Variants in SUMF2 observed in about 807,000 individuals in gnomAD.
The protein encoded by SUMF2 is sulfatase modifying factor 2.
SUMF2 carries 45 observed loss-of-function variants against 44.8 expected under a neutral mutation model. The ratio of observed to expected loss-of-function variants is 1.00; its 90% CI spans 0.79 to 1.29. The LOEUF (loss-of-function observed/expected upper bound fraction) is 1.29. Among genes scored for constraint, SUMF2 ranks in the 50% most tolerant of loss-of-function variants. The pLI, the probability that SUMF2 is intolerant of heterozygous loss-of-function variation, is 0.00. For synonymous variants in SUMF2, 148 were observed against 150.4 expected (o/e 0.98, Z 0.12); for missense variants, 418 against 389.9 (o/e 1.07, Z -0.61).
chr7:56,087,449 C>T, the SUMF2 span: 2 of 714,440 alleles, frequency 2.8e-6, no homozygotes, highest in Non-Finnish European at 4.6e-6. Flanking sequence ...CCTGGGACCC[C>T]TTCTATCAGA....
chr7:56,073,042 T>C lies in SUMF2; in HGVS notation c.270T>C (p.Phe90=), dbSNP rs952451746. Reference sequence around the variant, plus strand: ...AGTATCGGACAGAAGCTGAGATGTTTGGATGGAGCTTTGTCTTTGAGGACT... The same window carrying C: ...AGTATCGGACAGAAGCTGAGATGTTCGGATGGAGCTTTGTCTTTGAGGACT... The part of the protein sequence containing the change: ...EKKYRTEAEM[F]GWSFVFEDFV... Residue 90 remains phenylalanine, a synonymous_variant, in exon 3 of 9, where the codon TTT becomes TTC. Coordinates refer to ENST00000434526, the MANE Select transcript of SUMF2 (RefSeq NM_015411.4). The C allele has an allele frequency of 6.2e-7, 1 of 1,614,014 alleles. No individual in the cohort carries two copies. The highest frequency in any genetic ancestry group is 1.3e-5 in the African/African-American group (1 of 74,888).
At position 56,068,619 on chromosome 7, in the gene SUMF2, G is replaced by T. The variant is rs1482726719; in HGVS notation, c.205G>T (p.Val69Phe). ...ACCCTTTGCCATCGACATATTTCCT[G>T]TCACCAACAAAGATTTCAGGTACAT... is the stretch of plus-strand genomic sequence containing the variant. Reference protein sequence around the residue: ...VKPFAIDIFPVTNKDFRDFVR... With the variant: ...VKPFAIDIFPFTNKDFRDFVR... Residue 69 changes from valine to phenylalanine, a missense_variant, in exon 2 of 9, where the codon GTC (valine) becomes TTC (phenylalanine). Val to Phe is a conservative substitution (Grantham distance 50). Coordinates refer to ENST00000434526, the MANE Select transcript of SUMF2 (RefSeq NM_015411.4). 6.2e-7 allele frequency: 1 copy of T among 1,613,406 alleles called. No homozygotes were observed. The highest frequency in any genetic ancestry group is 8.5e-7 in the Non-Finnish European group (1 of 1,179,702).
In SUMF2 at chr7:56,067,432, A is replaced by G. The variant is rs2117395053; in HGVS notation, c.68-1050A>G. ...TGGGCTCAAGCAATCCTCCTGCCTTAGCCTCTGCACCCTGTCTCTGAGCCA... is the reference window on the plus strand; with the variant it reads ...TGGGCTCAAGCAATCCTCCTGCCTTGGCCTCTGCACCCTGTCTCTGAGCCA... On this transcript the variant is annotated intron_variant, in intron 1 of 8. Coordinates refer to ENST00000434526, the MANE Select transcript of SUMF2 (RefSeq NM_015411.4). Among the ~76,000 whole-genome samples the G allele has an allele frequency of 1.3e-5, 2 of 152,274 alleles. 1 individual carries two copies. The highest frequency in any genetic ancestry group is 4.2e-4 in the South Asian group (2 of 4,818).
At chr7:56,081,008 T>C, downstream of SUMF2, 1 of 1,604,402 alleles carries the variant, frequency 6.2e-7, no homozygotes, top group Non-Finnish European at 8.5e-7. This position sits in a 1 kb window ranked among gnomAD's most constrained non-coding sequence, Gnocchi z 4.6. Flanking sequence ...TTTCCATGGC[T>C]TCCCCTCCCC....
rs1795411489 is a variant in SUMF2, at chr7:56,074,629, C to T, written c.428C>T (p.Pro143Leu). 1.9e-6 allele frequency: 3 copies of T among 1,614,090 alleles called. No individual in the cohort carries two copies. Among genetic ancestry groups the T allele is most frequent in the Non-Finnish European group, 2.5e-6 (3 of 1,180,042 alleles). ...GSGIRERLEH[P>L]VLHVSWNDAR... The stretch of plus-strand genomic sequence containing the variant: ...GGCATCCGAGAGAGACTGGAGCACC[C>T]AGTGTTACACGTGAGCTGGAATGAC... Residue 143 changes from proline to leucine, a missense_variant, in exon 5 of 9, where the codon CCA becomes CTA. Coordinates refer to ENST00000434526, the MANE Select transcript of SUMF2 (RefSeq NM_015411.4).
Position 56,080,581 on chromosome 7 carries a change from T to G in SUMF2, c.*969T>G, listed in dbSNP as rs925037327. On this transcript the variant is annotated 3_prime_UTR_variant, in exon 9 of 9. Transcript: ENST00000434526. Reference sequence around the variant, plus strand: ...GCCTGGGCCCCCTTCTCCATATGCCTCCAAAAACATGTCCCTGGAGAGTAG... The same window carrying G: ...GCCTGGGCCCCCTTCTCCATATGCCGCCAAAAACATGTCCCTGGAGAGTAG... 8 of 175,788 alleles carry G rather than the reference T, an allele frequency of 4.6e-5. No homozygotes were observed. The highest frequency in any genetic ancestry group is 9.7e-5 in the Non-Finnish European group (8 of 82,520). 10.9% of individuals were successfully genotyped at this position (175,788 alleles called of 1,614,324 possible). A position where few individuals can be genotyped will look rare whatever the true frequency, so the allele number is the denominator to read the frequency against.
rs374801147 is a variant in SUMF2, at chr7:56,079,585, C to T, written c.879C>T (p.Asp293=). The T allele has an allele frequency of 3.5e-5, 57 of 1,614,066 alleles. No individual in the cohort carries two copies. The highest frequency in any genetic ancestry group is 1.8e-4 in the South Asian group (16 of 91,092). The change falls in exon 9 of 9, where the codon GAC becomes GAT. Residue 293 remains aspartate (D), a synonymous_variant. Coordinates refer to ENST00000434526, the MANE Select transcript of SUMF2 (RefSeq NM_015411.4). ...SDNLGFRCAA[D]AGRPPGEL is the part of the protein sequence containing the mutation. The stretch of plus-strand genomic sequence containing the variant: ...ACCTCGGTTTCCGCTGTGCTGCAGA[C>T]GCAGGCCGGCCGCCAGGGGAGCTGT...
At chr7:56,083,689 T>C (rs769138362), downstream of SUMF2, 8 of 1,584,322 alleles carry the variant, frequency 5.0e-6, no homozygotes, top group Admixed American at 3.5e-5. Flanking sequence ...CTCAGTGAGG[T>C]AGTCAAAGAG....
At chr7:56,078,992 G>A in intron 8 of SUMF2, 1 of 621,638 alleles carries the variant, frequency 1.6e-6, no homozygotes, top group Non-Finnish European at 2.9e-6. Flanking sequence ...AAACTGCCAG[G>A]CTCTAGCGAT....
downstream of SUMF2, chr7:56,084,270 G>GGGTA: frequency 7.5e-7 from 1 of 1,339,380 alleles, no homozygotes; most frequent in Non-Finnish European, 1.0e-6. Context: ...TGTGGACTGG[G>GGGTA]ATGTATCGGG....
rs370810923 is a variant in SUMF2 at position 56,078,490 on chromosome 7, G to A, written c.803G>A (p.Arg268Gln). Residue 268 changes from arginine to glutamine, a missense_variant, in exon 8 of 9, where the codon CGG becomes CAG. By Grantham distance (43) the Arg-to-Gln change is conservative. Transcript: ENST00000434526. Reference sequence around the variant, plus strand: ...ACAGCTGATGGCTCTGCCAATCACCGGGCCCGGGTCACCACCAGGTAAGGG... The same window carrying A: ...ACAGCTGATGGCTCTGCCAATCACCAGGCCCGGGTCACCACCAGGTAAGGG... ...IDTADGSANH[R>Q]ARVTTRMGNT... The A allele has an allele frequency of 8.9e-6, 14 of 1,580,182 alleles. No individual in the cohort carries two copies. Among genetic ancestry groups the A allele is most frequent in the South Asian group, 3.5e-5 (3 of 85,546 alleles).
chr7:56,074,752 G>A lies in SUMF2; in HGVS notation c.535+16G>A, dbSNP rs1795426717. On this transcript the variant is annotated intron_variant, in intron 5 of 8. Transcript: ENST00000434526. Reference sequence around the variant, plus strand: ...GGCTTGAAGGGTATCCAGATGATAAGGCGATTTTCCTTTATTCTTCTCCCC... The same window carrying A: ...GGCTTGAAGGGTATCCAGATGATAAAGCGATTTTCCTTTATTCTTCTCCCC... The A allele has an allele frequency of 1.2e-6, 2 of 1,614,016 alleles. No individual in the cohort carries two copies. The highest frequency in any genetic ancestry group is 8.5e-7 in the Non-Finnish European group (1 of 1,179,922).
chr7:56,082,097 C>T (rs1427174259), downstream of SUMF2: 1 of 1,610,550 alleles, frequency 6.2e-7, no homozygotes, highest in African/African-American at 1.3e-5. Flanking sequence ...GGGCACCGGC[C>T]CAGCCCTGCC....
intron 5 of SUMF2, 35 bp from the exon 6 acceptor site, chr7:56,076,799 C>A: frequency 1.3e-6 from 2 of 1,561,916 alleles, no homozygotes; most frequent in Non-Finnish European, 1.7e-6. Flanking sequence ...TTCTTCACCT[C>A]CCCCTCCTCT....
chr7:56,078,721 G>A (rs1294725605), intron 8 of SUMF2, among the ~76,000 whole-genome samples: 3 of 152,174 alleles, frequency 2.0e-5, no homozygotes, highest in African/African-American at 7.2e-5. Flanking sequence ...GACACCTTGT[G>A]ACTCTCCTGC....
downstream of SUMF2, chr7:56,081,018 C>A (rs761459471): frequency 3.1e-6 from 5 of 1,608,252 alleles, no homozygotes; most frequent in Non-Finnish European, 4.2e-6. The surrounding 1 kb of genome is among the most constrained non-coding windows in gnomAD (Gnocchi z 4.6). Flanking sequence ...TTCCCCTCCC[C>A]ACCTGCCCCC....
the SUMF2 span, chr7:56,087,563 G>A: frequency 6.3e-7 from 1 of 1,594,146 alleles, no homozygotes; most frequent in Non-Finnish European, 8.6e-7. Context: ...ATCACAGGGG[G>A]GCACCCTGCC....
chr7:56,073,212 TGA>T (rs761766977), intron 3 of SUMF2, 101 bp downstream of exon 3: 9 of 897,360 alleles, frequency 1.0e-5, no homozygotes, highest in African/African-American at 1.6e-5. Flanking sequence ...GAATCAGACC[TGA>T]GAGGTGGAGG....
At chr7:56,087,808 G>A in the SUMF2 span, 1 of 1,587,804 alleles carries the variant, frequency 6.3e-7, no homozygotes, top group African/African-American at 1.3e-5. Flanking sequence ...GGCCTCGGGG[G>A]GCCCCTCACC....
Sources: gnomAD v4.1 joint callset for allele counts (sites outside exome capture counted in the v4.1 genomes callset) on GRCh38, gnomAD v4.1.1 for gene constraint, Gnocchi (gnomAD v3.1) non-coding constraint, MANE v1.5 for transcripts, NCBI Gene and HGNC (gene_info 2026-07-23, HGNC 2026-07-21) for gene names.